PLCL1: variants seen among roughly 807,000 people sequenced by gnomAD.
PLCL1 encodes the protein phospholipase C like 1 (inactive).
PLCL1 carries 41 observed loss-of-function variants against 84.4 expected under a neutral mutation model. The observed-to-expected ratio is 0.49, with a 90% CI of 0.38 to 0.63. PLCL1 has a LOEUF of 0.63. Ranked by LOEUF, PLCL1 falls within the 30% of genes least tolerant of loss-of-function variation. PLCL1 has a pLI of 0.00. For synonymous variants in PLCL1, 490 were observed against 488.3 expected, an observed-to-expected ratio of 1.00 and a Z score of -0.05; for missense variants, 1,206 against 1,367.8, an observed-to-expected ratio of 0.88 and a Z score of 1.87.
intron 1 of PLCL1, among the ~76,000 whole-genome samples, chr2:197,923,222 C>A (rs1465965008): frequency 1.3e-5 from 2 of 149,736 alleles, no homozygotes; most frequent in African/African-American, 4.9e-5. Flanking sequence ...CCCCCACCTC[C>A]CTCCCGGATG....
intron 1 of PLCL1, among the ~76,000 whole-genome samples, chr2:197,863,599 A>G (rs113679654): frequency 0.019 from 2,954 of 152,238 alleles, 65 homozygotes; most frequent in African/African-American, 0.052. Context: ...GCCTATTTAA[A>G]TAGTATAGGG....
At chr2:197,908,116 T>C (rs1045064089) in intron 1 of PLCL1, among the ~76,000 whole-genome samples, 13 of 152,192 alleles carry the variant, frequency 8.5e-5, no homozygotes, top group African/African-American at 2.9e-4. Flanking sequence ...TTGCAATGGA[T>C]GGATGAAGGT....
chr2:198,102,449 C>G (rs1693370205), intron 4 of PLCL1, among the ~76,000 whole-genome samples: 2 of 151,902 alleles, frequency 1.3e-5, no homozygotes, highest in African/African-American at 4.8e-5. Context: ...ATGTTAGCAC[C>G]AGGAAAGTTA....
At position 198,045,816 on chromosome 2, in the gene PLCL1, C is replaced by T. The variant is rs1451092985; in HGVS notation, c.241-37942C>T. On this transcript the variant is annotated intron_variant, in intron 1 of 5. Coordinates refer to ENST00000428675, the MANE Select transcript of PLCL1 (RefSeq NM_006226.4). ...AATTGTCAATAATAGCATACAATTG[C>T]CTCTTTAGGTTTAGCTGTGATTATT... Among the ~76,000 whole-genome samples the T allele has an allele frequency of 2.0e-5, 3 of 152,032 alleles. No individual in the cohort carries two copies. The East Asian group carries it at 5.8e-4, about 29-fold the overall frequency.
At chr2:197,892,963 C>T (rs1195408239) in intron 1 of PLCL1, among the ~76,000 whole-genome samples, 1 of 152,094 alleles carries the variant, frequency 6.6e-6, no homozygotes, top group Non-Finnish European at 1.5e-5. Flanking sequence ...CCACTGCACT[C>T]CAGCCTGGGC....
At chr2:198,089,152 C>A in intron 3 of PLCL1, 91 bp downstream of exon 3, 1 of 874,768 alleles carries the variant, frequency 1.1e-6, no homozygotes, top group Non-Finnish European at 1.9e-6. Context: ...CAATGAATAA[C>A]ACAGGGTGAC....
rs538905106 is a variant in PLCL1 at position 198,041,365 on chromosome 2, A to G, written c.241-42393A>G. Among the ~76,000 whole-genome samples the G allele has an allele frequency of 1.1e-3, 163 of 150,490 alleles. 1 individual carries two copies. Among genetic ancestry groups the G allele is most frequent in the African/African-American group, 3.9e-3 (159 of 40,630 alleles). ...AGTATATTTTGACCGAAATAAGTAGACAATGTTCTGTTTTCTAAGTTCCAA... is the reference window on the plus strand; with the variant it reads ...AGTATATTTTGACCGAAATAAGTAGGCAATGTTCTGTTTTCTAAGTTCCAA... On this transcript the variant is annotated intron_variant, in intron 1 of 5. Transcript: ENST00000428675.
At chr2:198,050,219 C>T (rs1330448979) in intron 1 of PLCL1, among the ~76,000 whole-genome samples, 1 of 152,028 alleles carries the variant, frequency 6.6e-6, no homozygotes, top group Non-Finnish European at 1.5e-5. Context: ...CTGCCGAGGC[C>T]TGTTTTTTTT....
At chr2:198,113,087 T>C (rs1487331545) in intron 5 of PLCL1, among the ~76,000 whole-genome samples, 1 of 151,928 alleles carries the variant, frequency 6.6e-6, no homozygotes. Flanking sequence ...CTAAGTTTGA[T>C]ATATTTATCC....
chr2:197,977,580 T>C (rs1326351464), intron 1 of PLCL1, among the ~76,000 whole-genome samples: 4 of 152,284 alleles, frequency 2.6e-5, no homozygotes, highest in Middle Eastern at 3.4e-3. Flanking sequence ...TCCATATCTG[T>C]TCCTATTGCC....
At chr2:197,871,829 A>G (rs1428955451) in intron 1 of PLCL1, among the ~76,000 whole-genome samples, 1 of 152,152 alleles carries the variant, frequency 6.6e-6, no homozygotes, top group Non-Finnish European at 1.5e-5. Context: ...ACACACAACC[A>G]TAAGAACACG....
rs565845618 is a variant in PLCL1 at position 197,925,048 on chromosome 2, A to T, written c.240+119709A>T. Among the ~76,000 whole-genome samples, 97 of 152,296 alleles carry T rather than the reference A, an allele frequency of 6.4e-4. 1 individual carries two copies. Among genetic ancestry groups the T allele is most frequent in the African/African-American group, 2.3e-3 (97 of 41,576 alleles). Reference sequence around the variant, plus strand: ...AAGTGATTTATAAATGAACAGATTAAGAATCAGTTTTTTACTTTTCCTGAT... The same window carrying T: ...AAGTGATTTATAAATGAACAGATTATGAATCAGTTTTTTACTTTTCCTGAT... On this transcript the variant is annotated intron_variant, in intron 1 of 5. Coordinates refer to ENST00000428675, the MANE Select transcript of PLCL1 (RefSeq NM_006226.4).
intron 1 of PLCL1, among the ~76,000 whole-genome samples, chr2:198,001,378 A>G (rs955364630): frequency 2.0e-5 from 3 of 152,334 alleles, no homozygotes; most frequent in East Asian, 1.9e-4. Flanking sequence ...GTACAACTCT[A>G]TGAATTTTCA....
intron 1 of PLCL1, among the ~76,000 whole-genome samples, chr2:198,075,295 G>A (rs1026346857): frequency 6.6e-6 from 1 of 152,184 alleles, no homozygotes; most frequent in Non-Finnish European, 1.5e-5. Context: ...TTGTTTTTGA[G>A]GATGAGGCAG....
rs1012770553 is a variant in PLCL1 at position 198,148,082 on chromosome 2, T to C, written c.*1120T>C. 1 of 152,296 alleles carries C rather than the reference T, an allele frequency of 6.6e-6. No homozygotes were observed. Among genetic ancestry groups the C allele is most frequent in the Non-Finnish European group, 1.5e-5 (1 of 68,014 alleles). The allele number at this position is 152,296 out of a possible 1,614,324, so 9.4% of individuals were successfully genotyped here. A position where few individuals can be genotyped will look rare whatever the true frequency, so the allele number is the denominator to read the frequency against. On this transcript the variant is annotated 3_prime_UTR_variant, in exon 6 of 6. Transcript: ENST00000428675. ...CATACATGCAAAAAGAAATGACTAA[T>C]TAGGGTACATTTATAATTGCATCTA...
At chr2:198,112,715 G>T (rs1693651227) in intron 5 of PLCL1, among the ~76,000 whole-genome samples, 1 of 151,726 alleles carries the variant, frequency 6.6e-6, no homozygotes, top group African/African-American at 2.4e-5. Context: ...TGGAATTTTG[G>T]CAAACAGTTA....
intron 1 of PLCL1, among the ~76,000 whole-genome samples, chr2:198,078,106 T>C (rs1469225457): frequency 6.6e-6 from 1 of 152,208 alleles, no homozygotes; most frequent in African/African-American, 2.4e-5. Flanking sequence ...AGTCATCTAA[T>C]GTACCATCTT....
chr2:198,132,171 T>C lies in PLCL1; in HGVS notation c.3106-14609T>C, dbSNP rs147166840. ...CTCAGAAAGAGTTAATCCAATTGGTTTGTCTAATTGCTGTCATTACTGCCT... is the reference window on the plus strand; with the variant it reads ...CTCAGAAAGAGTTAATCCAATTGGTCTGTCTAATTGCTGTCATTACTGCCT... On this transcript the variant is annotated intron_variant, in intron 5 of 5. Transcript: ENST00000428675. Among the ~76,000 whole-genome samples, 12 of 152,316 alleles carry C rather than the reference T, an allele frequency of 7.9e-5. No individual in the cohort carries two copies. The East Asian group carries it at 2.1e-3, about 27-fold the overall frequency.
intron 4 of PLCL1, among the ~76,000 whole-genome samples, chr2:198,101,919 A>G (rs1693350116): frequency 6.6e-6 from 1 of 151,002 alleles, no homozygotes; most frequent in Admixed American, 6.6e-5. Context: ...CACATACCCG[A>G]TAATGATTAT....
Sources: allele counts gnomAD v4.1 joint callset (sites outside exome capture counted in the v4.1 genomes callset), GRCh38; gene constraint gnomAD v4.1.1; transcripts MANE v1.5; gene names NCBI Gene and HGNC (gene_info 2026-07-23, HGNC 2026-07-21).